EEF1AKMT4: variants seen among roughly 807,000 people sequenced by gnomAD.
EEF1AKMT4 encodes EEF1A lysine methyltransferase 4.
A neutral mutation model predicts 23.0 loss-of-function variants in EEF1AKMT4; 17 were observed. The ratio of observed to expected loss-of-function variants is 0.74; its 90% CI spans 0.51 to 1.11. The LOEUF (loss-of-function observed/expected upper bound fraction) is 1.11, where lower values mean the gene tolerates loss of function less well. Among genes scored for constraint, EEF1AKMT4 ranks in the 50% least tolerant of loss-of-function variants. The pLI, the probability that EEF1AKMT4 is intolerant of heterozygous loss-of-function variation, is 0.00. For synonymous variants in EEF1AKMT4, 140 were observed against 141.4 expected, an observed-to-expected ratio of 0.99 and a Z score of 0.07; for missense variants, 318 against 333.4, an observed-to-expected ratio of 0.95 and a Z score of 0.36.
intron 2 of EEF1AKMT4, 113 bp downstream of exon 2, chr3:184,257,869 G>A: frequency 1.5e-6 from 2 of 1,355,106 alleles, no homozygotes. Flanking sequence ...CAAGTAGTGG[G>A]TCGCCCTCAG....
intron 1 of EEF1AKMT4, 150 bp from the exon 2 acceptor site, chr3:184,257,323 G>C: frequency 5.3e-6 from 4 of 761,882 alleles, no homozygotes; most frequent in Non-Finnish European, 8.2e-6. Context: ...CGATTCCAAG[G>C]CTTGTGCTTT....
chr3:184,258,474 G>A lies in EEF1AKMT4; in HGVS notation c.667G>A (p.Ala223Thr), dbSNP rs748380401. The change falls in exon 3 of 3, where the codon GCT becomes ACT. Residue 223 changes from alanine to threonine, a missense_variant. Coordinates refer to ENST00000324557, the MANE Select transcript of EEF1AKMT4 (RefSeq NM_032331.4). ...CGGGAAGCTCAGTGTGGCCCAGCTGGCTCTGGGGGCCCAAATCCTCTCACC... is the reference window on the plus strand; with the variant it reads ...CGGGAAGCTCAGTGTGGCCCAGCTGACTCTGGGGGCCCAAATCCTCTCACC... ...KGGKLSVAQL[A>T]LGAQILSPPR... 2 of 1,613,594 alleles carry A rather than the reference G, an allele frequency of 1.2e-6. No homozygotes were observed. The highest frequency in any genetic ancestry group is 1.1e-5 in the South Asian group (1 of 91,074).
chr3:184,249,686 G>T lies in EEF1AKMT4; in HGVS notation c.-9G>T, dbSNP rs1412191815. ...GGCCGGCGGCTCTGGCTGCCCGGCG[G>T]TTGAGAGCATGGCCTCTCCAGGGGC... On this transcript the variant is annotated 5_prime_UTR_variant, in exon 1 of 3. Transcript: ENST00000324557. 1.3e-6 allele frequency: 2 copies of T among 1,587,362 alleles called. No homozygotes were observed. Among genetic ancestry groups the T allele is most frequent in the African/African-American group, 1.3e-5 (1 of 74,584 alleles).
At chr3:184,250,358 G>T (rs1462341318) in intron 1 of EEF1AKMT4, among the ~76,000 whole-genome samples, 1 of 152,216 alleles carries the variant, frequency 6.6e-6, no homozygotes, top group Non-Finnish European at 1.5e-5. Flanking sequence ...TTTTGCCCCT[G>T]GGCACTGGGA....
chr3:184,257,789 A>T, intron 2 of EEF1AKMT4, 33 bp downstream of exon 2: 1 of 1,586,654 alleles, frequency 6.3e-7, no homozygotes, highest in Non-Finnish European at 8.6e-7. Flanking sequence ...AAGCAGATCA[A>T]TAGGTGGGGC....
At position 184,249,863 on chromosome 3, in the gene EEF1AKMT4, C is replaced by A; in HGVS notation, c.169C>A (p.Arg57=). Residue 57 remains arginine, a synonymous_variant, in exon 1 of 3, where the codon CGG becomes AGG. Transcript: ENST00000324557. ...SFRALLEPEL[R]PEDRILVLGC... ...CCGTGCCCTCCTAGAGCCGGAGCTGCGGCCCGAGGACCGTATCCTTGTGCT... is the reference window on the plus strand; with the variant it reads ...CCGTGCCCTCCTAGAGCCGGAGCTGAGGCCCGAGGACCGTATCCTTGTGCT... The A allele has an allele frequency of 6.2e-7, 1 of 1,612,774 alleles. No individual in the cohort carries two copies. Among genetic ancestry groups the A allele is most frequent in the Non-Finnish European group, 8.5e-7 (1 of 1,179,720 alleles).
rs1719773967 is a variant in EEF1AKMT4, at chr3:184,255,829, A to G, written c.197-1644A>G. 2.0e-5 allele frequency among the ~76,000 whole-genome samples: 3 copies of G among 152,382 alleles called. No individual in the cohort carries two copies. In the South Asian group the frequency reaches 6.2e-4, roughly 32 times the overall value. On this transcript the variant is annotated intron_variant, in intron 1 of 2. Coordinates refer to ENST00000324557, the MANE Select transcript of EEF1AKMT4 (RefSeq NM_032331.4). ...GGCTGACTCACCTGAGGTGAGGTCC[A>G]GACCTTCCTGTGTGCTCTCACAGCC...
intron 1 of EEF1AKMT4, among the ~76,000 whole-genome samples, chr3:184,254,272 G>T (rs75445222): frequency 0.032 from 4,931 of 151,888 alleles, 265 homozygotes; most frequent in African/African-American, 0.11. Context: ...TGCTCTGTAG[G>T]AATCTTCTTG....
chr3:184,252,911 C>T (rs1719622889), intron 1 of EEF1AKMT4, among the ~76,000 whole-genome samples: 1 of 139,184 alleles, frequency 7.2e-6, no homozygotes, highest in Non-Finnish European at 1.5e-5. Flanking sequence ...TTCACCACTG[C>T]ACTCCAGCCT....
At chr3:184,257,216 A>AC (rs1408161285) in intron 1 of EEF1AKMT4, among the ~76,000 whole-genome samples, 1 of 151,604 alleles carries the variant, frequency 6.6e-6, no homozygotes, top group Non-Finnish European at 1.5e-5. Context: ...TCTCAAAAAA[A>AC]AAAAAAAAAA....
intron 1 of EEF1AKMT4, 21 bp from the exon 2 acceptor site, chr3:184,257,452 A>G (rs759199907): frequency 6.3e-7 from 1 of 1,583,206 alleles, no homozygotes; most frequent in Non-Finnish European, 8.6e-7. Flanking sequence ...CTCTTTTGCT[A>G]CCCATTCCCT....
intron 1 of EEF1AKMT4, among the ~76,000 whole-genome samples, chr3:184,253,239 A>G (rs578244142): frequency 4.1e-4 from 62 of 152,302 alleles, no homozygotes; most frequent in Admixed American, 2.6e-3. Context: ...AGAAGCAAAC[A>G]CACACCAAAA....
rs1394206053 is a variant in EEF1AKMT4 at position 184,258,460 on chromosome 3, G to A, written c.653G>A (p.Ser218Asn). The A allele has an allele frequency of 4.3e-6, 7 of 1,613,876 alleles. No homozygotes were observed. The Admixed American group carries it at 6.7e-5, about 15-fold the overall frequency. Residue 218 changes from serine (S) to asparagine (N), a missense_variant, in exon 3 of 3, where the codon AGT (serine) becomes AAT (asparagine). Coordinates refer to ENST00000324557, the MANE Select transcript of EEF1AKMT4 (RefSeq NM_032331.4). ...CTCATGCACAAGGGCGGGAAGCTCAGTGTGGCCCAGCTGGCTCTGGGGGCC... is the reference window on the plus strand; with the variant it reads ...CTCATGCACAAGGGCGGGAAGCTCAATGTGGCCCAGCTGGCTCTGGGGGCC... ...LYLMHKGGKL[S>N]VAQLALGAQI...
At chr3:184,256,419 C>T (rs1283067798) in intron 1 of EEF1AKMT4, among the ~76,000 whole-genome samples, 3 of 152,010 alleles carry the variant, frequency 2.0e-5, no homozygotes, top group African/African-American at 7.2e-5. Context: ...TGAGGCCTTC[C>T]CAGGGTTGAT....
rs772676542 is a variant in EEF1AKMT4 at position 184,257,511 on chromosome 3, G to A, written c.235G>A (p.Gly79Arg). The A allele has an allele frequency of 8.7e-6, 14 of 1,611,372 alleles. No individual in the cohort carries two copies. The highest frequency in any genetic ancestry group is 6.7e-5 in the East Asian group (3 of 44,846). The change falls in exon 2 of 3, where the codon GGA becomes AGA. Residue 79 changes from glycine (G) to arginine (R), a missense_variant. By Grantham distance (125) the Gly-to-Arg change is moderately radical (BLOSUM62 -2). Coordinates refer to ENST00000324557, the MANE Select transcript of EEF1AKMT4 (RefSeq NM_032331.4). ...NSALSYELFL[G>R]GFPNVTSVDY... Reference sequence around the variant, plus strand: ...TGCCCTGAGCTACGAGCTGTTCCTCGGAGGCTTCCCTAATGTGACCAGTGT... The same window carrying A: ...TGCCCTGAGCTACGAGCTGTTCCTCAGAGGCTTCCCTAATGTGACCAGTGT...
At chr3:184,257,438 G>A (rs374226283) in intron 1 of EEF1AKMT4, 35 bp from the exon 2 acceptor site, 93 of 1,569,040 alleles carry the variant, frequency 5.9e-5, no homozygotes, top group Non-Finnish European at 7.5e-5. Context: ...CAAAACTAAC[G>A]TAGCTCTTTT....
intron 1 of EEF1AKMT4, among the ~76,000 whole-genome samples, chr3:184,255,437 C>T (rs1429959183): frequency 2.6e-5 from 4 of 152,164 alleles, no homozygotes; most frequent in Non-Finnish European, 5.9e-5. Flanking sequence ...GGTGCCAAAC[C>T]CTGATAGATT....
rs902044192 is a variant in EEF1AKMT4, at chr3:184,249,891, G to A, written c.196+1G>A. The A allele has an allele frequency of 1.6e-5, 26 of 1,606,096 alleles. No individual in the cohort carries two copies. Among genetic ancestry groups the A allele is most frequent in the Non-Finnish European group, 2.2e-5 (26 of 1,174,342 alleles). On this transcript the variant is annotated splice_donor_variant, in intron 1 of 2. Transcript: ENST00000324557. LOFTEE classifies it high-confidence loss of function. ...CCCGAGGACCGTATCCTTGTGCTAG[G>A]TGGGTAATCCCGGCGCGGCCCCGCC...
chr3:184,255,534 C>T (rs920657067), intron 1 of EEF1AKMT4, among the ~76,000 whole-genome samples: 1 of 152,156 alleles, frequency 6.6e-6, no homozygotes, highest in African/African-American at 2.4e-5. Context: ...CTGAAGATCC[C>T]CAGTGGGGCT....
Sources: allele counts gnomAD v4.1 joint callset (sites outside exome capture counted in the v4.1 genomes callset), GRCh38; gene constraint gnomAD v4.1.1; transcripts MANE v1.5; gene names NCBI Gene and HGNC (gene_info 2026-07-23, HGNC 2026-07-21).